The following ST7 variants were observed in gnomAD, a reference collection of about 807,000 sequenced individuals.
The protein encoded by ST7 is suppression of tumorigenicity 7.
Under a neutral mutation model 78.7 loss-of-function variants are expected in ST7, and 28 were observed. That is an observed-to-expected ratio of 0.36 (90% CI 0.26 to 0.49). The LOEUF is 0.49. Among genes scored for constraint, ST7 ranks in the 20% least tolerant of loss-of-function variants. The pLI is 0.99. For synonymous variants in ST7, 247 were observed against 249.6 expected (o/e 0.99, Z 0.10); for missense variants, 418 against 696.0 (o/e 0.60, Z 4.49).
At chr7:116,953,785 GGGGA>G in intron 1 of ST7, 94 bp downstream of exon 1, 1 of 930,064 alleles carries the variant, frequency 1.1e-6, no homozygotes, top group Non-Finnish European at 1.3e-6. Flanking sequence ...GCGCGCGCTC[GGGGA>G]CGCGCCGGGG....
At chr7:117,074,189 G>C (rs1291479767) in intron 1 of ST7, among the ~76,000 whole-genome samples, 1 of 152,046 alleles carries the variant, frequency 6.6e-6, no homozygotes, top group Non-Finnish European at 1.5e-5. Context: ...CCAGGAGTTC[G>C]AGACCAGCCT....
rs544929601 is a variant in ST7 at position 117,068,055 on chromosome 7, G to A, written c.152-31707G>A. On this transcript the variant is annotated intron_variant, in intron 1 of 15. Coordinates refer to ENST00000323984, the MANE Select transcript of ST7 (RefSeq NM_001369598.1). ...TTTTTCTTTTAGATCTACACGGAAAGATTTGGCAGGTCTGATAATTTAGGC... is the reference window on the plus strand; with the variant it reads ...TTTTTCTTTTAGATCTACACGGAAAAATTTGGCAGGTCTGATAATTTAGGC... Among the ~76,000 whole-genome samples, 11 of 152,250 alleles carry A rather than the reference G, an allele frequency of 7.2e-5. No homozygotes were observed. The East Asian group carries it at 2.1e-3, about 29-fold the overall frequency.
intron 1 of ST7, among the ~76,000 whole-genome samples, chr7:117,070,269 T>C (rs1798858283): frequency 6.6e-6 from 1 of 152,228 alleles, no homozygotes; most frequent in African/African-American, 2.4e-5. Context: ...GGTTCACTAT[T>C]AACTTGTGAT....
intron 10 of ST7, among the ~76,000 whole-genome samples, chr7:117,171,428 T>G (rs1807982622): frequency 6.6e-6 from 1 of 152,126 alleles, no homozygotes; most frequent in Non-Finnish European, 1.5e-5. Flanking sequence ...CCCTTGCACA[T>G]GTGGCAATTC....
At chr7:117,214,211 G>A (rs905978917) in intron 13 of ST7, among the ~76,000 whole-genome samples, 1 of 152,026 alleles carries the variant, frequency 6.6e-6, no homozygotes, top group Non-Finnish European at 1.5e-5. Flanking sequence ...GTCTGCCATG[G>A]GGTAAATCAC....
At chr7:117,122,331 A>G (rs768081161) in intron 3 of ST7, among the ~76,000 whole-genome samples, 9 of 152,224 alleles carry the variant, frequency 5.9e-5, no homozygotes, top group Non-Finnish European at 1.0e-4. Context: ...GGAACCAATG[A>G]TACTTTTTAA....
At chr7:117,153,286 C>T (rs1806434187) in intron 9 of ST7, among the ~76,000 whole-genome samples, 1 of 152,048 alleles carries the variant, frequency 6.6e-6, no homozygotes, top group South Asian at 2.1e-4. Context: ...TCTGCTAAAC[C>T]TATGGGTCAT....
intron 1 of ST7, among the ~76,000 whole-genome samples, chr7:117,029,941 C>T (rs1342214500): frequency 1.3e-5 from 2 of 152,152 alleles, no homozygotes; most frequent in East Asian, 3.9e-4. Context: ...TACTGTATAG[C>T]TTTATGATCA....
chr7:117,189,739 G>A (rs750016174), intron 11 of ST7, among the ~76,000 whole-genome samples: 22 of 152,108 alleles, frequency 1.4e-4, no homozygotes, highest in Non-Finnish European at 2.5e-4. Context: ...TCCCTTCAGC[G>A]GTCCATAACT....
intron 1 of ST7, among the ~76,000 whole-genome samples, chr7:117,062,591 C>T (rs1176862115): frequency 6.6e-6 from 1 of 152,004 alleles, no homozygotes; most frequent in Admixed American, 6.6e-5. Flanking sequence ...ATTTTTTTCC[C>T]TTTTCCTTTT....
intron 13 of ST7, among the ~76,000 whole-genome samples, chr7:117,218,184 T>C (rs1320680182): frequency 6.6e-6 from 1 of 152,190 alleles, no homozygotes; most frequent in Non-Finnish European, 1.5e-5. Flanking sequence ...CTCACTACCA[T>C]ACATGAAGGC....
intron 1 of ST7, among the ~76,000 whole-genome samples, chr7:117,063,885 C>T (rs1177102616): frequency 6.6e-6 from 1 of 152,116 alleles, no homozygotes; most frequent in Non-Finnish European, 1.5e-5. Flanking sequence ...CAGTATGTGC[C>T]ATTTATAGCA....
chr7:117,002,643 G>GTGTGTT (rs1294571325), intron 1 of ST7, among the ~76,000 whole-genome samples: 1 of 148,934 alleles, frequency 6.7e-6, no homozygotes, highest in Non-Finnish European at 1.5e-5. Flanking sequence ...TTGAGGCTGT[G>GTGTGTT]TGTGTGTGTG....
At chr7:117,193,850 T>C (rs1810023415) in intron 12 of ST7, among the ~76,000 whole-genome samples, 1 of 152,244 alleles carries the variant, frequency 6.6e-6, no homozygotes, top group African/African-American at 2.4e-5. Flanking sequence ...ATATAATAAC[T>C]GAGAACTGAC....
At chr7:117,056,706 T>A (rs1450571886) in intron 1 of ST7, among the ~76,000 whole-genome samples, 2 of 151,770 alleles carry the variant, frequency 1.3e-5, no homozygotes, top group East Asian at 3.9e-4. Flanking sequence ...GTAGAAAGGA[T>A]CTTACACAAA....
chr7:116,964,853 T>C (rs2116199057), intron 1 of ST7, among the ~76,000 whole-genome samples: 1 of 152,332 alleles, frequency 6.6e-6, no homozygotes, highest in South Asian at 2.1e-4. Flanking sequence ...AATAAAAATC[T>C]GAAATGGAAT....
chr7:117,015,009 A>T, intron 1 of ST7: 1 of 1,323,730 alleles, frequency 7.6e-7, no homozygotes, highest in Non-Finnish European at 9.9e-7. Context: ...ATTATGGATT[A>T]TACAGGTAAA....
At chr7:117,200,465 G>GA (rs910209735) in intron 12 of ST7, among the ~76,000 whole-genome samples, 11 of 152,238 alleles carry the variant, frequency 7.2e-5, no homozygotes, top group Non-Finnish European at 1.3e-4. Flanking sequence ...TGCTGAGGGG[G>GA]AAAAAAATAA....
intron 9 of ST7, among the ~76,000 whole-genome samples, chr7:117,148,196 A>T (rs533418809): frequency 5.9e-5 from 9 of 151,806 alleles, no homozygotes; most frequent in Non-Finnish European, 1.2e-4. Flanking sequence ...ATATATTTTG[A>T]GGTTTTGTTG....
Sources: allele counts gnomAD v4.1 joint callset (sites outside exome capture counted in the v4.1 genomes callset), GRCh38; gene constraint gnomAD v4.1.1; transcripts MANE v1.5; gene names NCBI Gene and HGNC (gene_info 2026-07-23, HGNC 2026-07-21).